TENM4: variants seen among roughly 807,000 people sequenced by gnomAD.
TENM4 encodes teneurin transmembrane protein 4.
TENM4 carries 82 observed loss-of-function variants against 243.3 expected under a neutral mutation model. The observed-to-expected ratio is 0.34, with a 90% CI of 0.28 to 0.40. The LOEUF (loss-of-function observed/expected upper bound fraction) is 0.40, where lower values mean the gene tolerates loss of function less well. Among genes scored for constraint, TENM4 ranks in the 10% least tolerant of loss-of-function variants. The pLI is 1.00. For synonymous variants in TENM4, 1,412 were observed against 1,456.3 expected (o/e 0.97, Z 0.69); for missense variants, 3,138 against 3,673.3 (o/e 0.85, Z 3.77).
At chr11:79,326,416 A>G (rs1217545168) in intron 1 of TENM4, among the ~76,000 whole-genome samples, 1 of 152,106 alleles carries the variant, frequency 6.6e-6, no homozygotes. Flanking sequence ...AGTGCTCAAG[A>G]CACTTCTCAA....
chr11:79,341,792 C>T (rs1046734311), intron 1 of TENM4, among the ~76,000 whole-genome samples: 15 of 152,130 alleles, frequency 9.9e-5, no homozygotes, highest in African/African-American at 3.1e-4. Flanking sequence ...GTAACAATGA[C>T]CTAAAGCACA....
At chr11:79,298,543 A>G (rs1254245022) in intron 1 of TENM4, among the ~76,000 whole-genome samples, 3 of 150,782 alleles carry the variant, frequency 2.0e-5, no homozygotes, top group Non-Finnish European at 4.4e-5. Context: ...AAAAAAAAAA[A>G]AAAAAGAAAA....
At chr11:78,885,810 G>A (rs960406624) in intron 9 of TENM4, among the ~76,000 whole-genome samples, 11 of 152,080 alleles carry the variant, frequency 7.2e-5, no homozygotes, top group African/African-American at 1.9e-4. Flanking sequence ...CTGTAGTCCC[G>A]GCTGCTCGGG....
intron 17 of TENM4, among the ~76,000 whole-genome samples, chr11:78,772,733 A>G (rs773474543): frequency 1.6e-4 from 25 of 151,788 alleles, no homozygotes; most frequent in Non-Finnish European, 3.2e-4. Context: ...TAACATGTTT[A>G]TTTCCACTTG....
intron 2 of TENM4, among the ~76,000 whole-genome samples, chr11:79,264,625 G>A (rs1027716098): frequency 1.3e-4 from 20 of 152,116 alleles, no homozygotes; most frequent in African/African-American, 3.6e-4. Flanking sequence ...GGTGTACTAC[G>A]TGACCCCAGC....
intron 6 of TENM4, among the ~76,000 whole-genome samples, chr11:78,986,649 C>T (rs1400436610): frequency 2.6e-5 from 4 of 151,464 alleles, no homozygotes; most frequent in African/African-American, 9.7e-5. Flanking sequence ...CTGCAACCTC[C>T]GCCTCCCTCC....
intron 4 of TENM4, among the ~76,000 whole-genome samples, chr11:79,124,103 G>T (rs1029231976): frequency 6.6e-6 from 1 of 152,138 alleles, no homozygotes; most frequent in African/African-American, 2.4e-5. Flanking sequence ...CCGTTGGCAG[G>T]ACTCTGAGGC....
intron 3 of TENM4, among the ~76,000 whole-genome samples, chr11:79,198,336 A>G (rs1863674663): frequency 6.6e-6 from 1 of 152,126 alleles, no homozygotes; most frequent in Non-Finnish European, 1.5e-5. Context: ...TAAACTAAAC[A>G]AGTGTCCAAG....
chr11:78,917,031 C>T (rs1856332419), intron 6 of TENM4, among the ~76,000 whole-genome samples: 2 of 152,124 alleles, frequency 1.3e-5, no homozygotes, highest in Admixed American at 6.5e-5. Flanking sequence ...TGCAAAAACC[C>T]CTCATGTATT....
intron 12 of TENM4, among the ~76,000 whole-genome samples, chr11:78,837,643 A>C (rs1021708953): frequency 7.2e-5 from 11 of 152,182 alleles, no homozygotes; most frequent in Non-Finnish European, 1.3e-4. Flanking sequence ...GAGTTGAAAG[A>C]CTTGAATTCC....
chr11:79,376,064 C>T (rs538264039), intron 1 of TENM4, among the ~76,000 whole-genome samples: 1 of 152,212 alleles, frequency 6.6e-6, no homozygotes, highest in African/African-American at 2.4e-5. Flanking sequence ...ACCTGACAAG[C>T]CTTTAATTAG....
At chr11:78,995,121 T>C (rs1439062782) in intron 6 of TENM4, among the ~76,000 whole-genome samples, 1 of 152,134 alleles carries the variant, frequency 6.6e-6, no homozygotes, top group Non-Finnish European at 1.5e-5. Flanking sequence ...CTATATTTCC[T>C]AGAATGAGTA....
At chr11:79,032,232 T>C (rs1253901767) in intron 6 of TENM4, among the ~76,000 whole-genome samples, 1 of 152,164 alleles carries the variant, frequency 6.6e-6, no homozygotes, top group Non-Finnish European at 1.5e-5. Flanking sequence ...ACAGTCCAGC[T>C]GGAGATGTGA....
intron 1 of TENM4, among the ~76,000 whole-genome samples, chr11:79,337,108 T>A (rs1206678919): frequency 6.6e-6 from 1 of 152,186 alleles, no homozygotes; most frequent in Non-Finnish European, 1.5e-5. Context: ...AAAGTTTAAG[T>A]TTTGTCAGCA....
chr11:78,700,484 CATGCTT>C (rs1478860793), intron 28 of TENM4, among the ~76,000 whole-genome samples: 1 of 152,208 alleles, frequency 6.6e-6, no homozygotes, highest in Non-Finnish European at 1.5e-5. Context: ...CCACCTCTCA[CATGCTT>C]ATCTAATGGT....
chr11:78,805,277 T>TGCCCCCCCCCCCCC lies in TENM4; in HGVS notation c.2179+14_2179+15insGGGGGGGGGGGGGC. On this transcript the variant is annotated intron_variant, in intron 15 of 33. Transcript: ENST00000278550. ...CCCCTCCCTCTACCCATGCTTCTTC[T>TGCCCCCCCCCCCCC]CCCCCTGCATTTACCGATAGAACAG... 4.5e-5 allele frequency: 63 copies of TGCCCCCCCCCCCCC among 1,402,488 alleles called. No homozygotes were observed. The highest frequency in any genetic ancestry group is 9.3e-5 in the East Asian group (3 of 32,216). The allele number at this position is 1,402,488 out of a possible 1,614,324, so 86.9% of individuals were successfully genotyped here.
At chr11:79,129,803 C>A (rs1017653938) in intron 4 of TENM4, among the ~76,000 whole-genome samples, 1 of 152,170 alleles carries the variant, frequency 6.6e-6, no homozygotes, top group South Asian at 2.1e-4. Flanking sequence ...CGTACCCACC[C>A]TGGTAGTGGA....
chr11:78,821,082 G>C (rs1252773811), intron 12 of TENM4, among the ~76,000 whole-genome samples: 1 of 152,220 alleles, frequency 6.6e-6, no homozygotes, highest in Non-Finnish European at 1.5e-5. Context: ...GACTGGGCTT[G>C]AAGCCAGTTC....
intron 22 of TENM4, among the ~76,000 whole-genome samples, chr11:78,726,926 A>G (rs771588326): frequency 2.6e-5 from 4 of 152,212 alleles, no homozygotes; most frequent in African/African-American, 7.2e-5. Context: ...CTAATATAGT[A>G]TGGAAAATAT....
Sources: allele counts gnomAD v4.1 joint callset (sites outside exome capture counted in the v4.1 genomes callset), GRCh38; gene constraint gnomAD v4.1.1; transcripts MANE v1.5; gene names NCBI Gene and HGNC (gene_info 2026-07-23, HGNC 2026-07-21).